The following NEDD4 variants were observed in gnomAD, a reference collection of about 807,000 sequenced individuals.
NEDD4 encodes NEDD4 E3 ubiquitin protein ligase.
A neutral mutation model predicts 144.9 loss-of-function variants in NEDD4; 99 were observed. The observed-to-expected ratio is 0.68, with a 90% CI of 0.58 to 0.81. The LOEUF (loss-of-function observed/expected upper bound fraction) is 0.81, where lower values mean the gene tolerates loss of function less well. NEDD4 is among the 30% of genes least tolerant of loss of function. NEDD4 has a pLI of 0.00. For synonymous variants in NEDD4, 318 were observed against 350.6 expected, an observed-to-expected ratio of 0.91 and a Z score of 1.04; for missense variants, 985 against 1,065.9, an observed-to-expected ratio of 0.92 and a Z score of 1.06.
At chr15:55,974,360 C>A (rs148464498) in intron 1 of NEDD4, among the ~76,000 whole-genome samples, 39 of 152,266 alleles carry the variant, frequency 2.6e-4, no homozygotes, top group African/African-American at 8.2e-4. Flanking sequence ...TAATACCAAT[C>A]CTACTCAAAC....
At chr15:55,947,841 TATC>T (rs1483017382) in intron 4 of NEDD4, among the ~76,000 whole-genome samples, 8 of 152,168 alleles carry the variant, frequency 5.3e-5, no homozygotes, top group African/African-American at 1.9e-4. Flanking sequence ...ACATAGCCAA[TATC>T]ATACTGAATG....
chr15:55,956,021 C>T (rs969286264), intron 2 of NEDD4, among the ~76,000 whole-genome samples: 4 of 151,910 alleles, frequency 2.6e-5, no homozygotes, highest in African/African-American at 9.7e-5. Context: ...GGTCTTATCA[C>T]CAGGCTGGTC....
At chr15:55,894,199 G>C (rs937518616) in intron 5 of NEDD4, among the ~76,000 whole-genome samples, 10 of 152,022 alleles carry the variant, frequency 6.6e-5, no homozygotes, top group Admixed American at 2.0e-4. Flanking sequence ...CTCTCTATCG[G>C]TGGATTCAAT....
chr15:55,854,963 C>T (rs2034133741), intron 12 of NEDD4, among the ~76,000 whole-genome samples: 1 of 152,094 alleles, frequency 6.6e-6, no homozygotes, highest in South Asian at 2.1e-4. Context: ...TTATAACGTG[C>T]AGAGGGAAAA....
chr15:55,888,465 C>T (rs1207312359), intron 5 of NEDD4, among the ~76,000 whole-genome samples: 1 of 151,930 alleles, frequency 6.6e-6, no homozygotes, highest in African/African-American at 2.4e-5. Flanking sequence ...AAAGAGGACA[C>T]AAAAAATGGA....
chr15:55,986,546 T>C (rs900773574), intron 1 of NEDD4, among the ~76,000 whole-genome samples: 45 of 145,246 alleles, frequency 3.1e-4, no homozygotes, highest in African/African-American at 1.1e-3. Context: ...AGACCCAAAA[T>C]GAGAAACATC....
chr15:55,907,120 A>T (rs1260238566), intron 5 of NEDD4, among the ~76,000 whole-genome samples: 1 of 151,906 alleles, frequency 6.6e-6, no homozygotes, highest in African/African-American at 2.4e-5. Context: ...AAAATAAAAA[A>T]TAAACAAAAT....
chr15:55,975,831 G>T (rs1186638248), intron 1 of NEDD4, among the ~76,000 whole-genome samples: 3 of 152,094 alleles, frequency 2.0e-5, no homozygotes, highest in African/African-American at 7.2e-5. Flanking sequence ...AAGTCATCCT[G>T]AGCAAAAAGA....
chr15:55,898,149 A>G (rs527494557), intron 5 of NEDD4, among the ~76,000 whole-genome samples: 3 of 152,326 alleles, frequency 2.0e-5, no homozygotes, highest in Admixed American at 6.5e-5. Flanking sequence ...TGTTTACACA[A>G]TGTTCCAAAA....
At chr15:55,841,691 C>A in intron 19 of NEDD4, among the ~76,000 whole-genome samples, 1 of 151,870 alleles carries the variant, frequency 6.6e-6, no homozygotes, top group East Asian at 1.9e-4. Context: ...CCTGCCTCAG[C>A]CTCCTGAGTA....
At chr15:55,979,296 A>C (rs997321085) in intron 1 of NEDD4, among the ~76,000 whole-genome samples, 3 of 151,434 alleles carry the variant, frequency 2.0e-5, no homozygotes, top group African/African-American at 7.2e-5. Context: ...AAATATGCAA[A>C]AATAAAGTTA....
chr15:55,902,430 G>T (rs537115096), intron 5 of NEDD4, among the ~76,000 whole-genome samples: 3 of 152,196 alleles, frequency 2.0e-5, no homozygotes, highest in African/African-American at 7.2e-5. Context: ...TATGTAAAAG[G>T]CTCCTAACCA....
intron 27 of NEDD4, 41 bp downstream of exon 27, chr15:55,832,967 G>T (rs753244222): frequency 7.6e-6 from 10 of 1,307,936 alleles, no homozygotes; most frequent in Non-Finnish European, 1.1e-5. Context: ...AAGACAATAC[G>T]CATTATTCCA....
At chr15:55,935,573 C>T (rs1052141453) in intron 4 of NEDD4, among the ~76,000 whole-genome samples, 2 of 152,070 alleles carry the variant, frequency 1.3e-5, no homozygotes, top group Non-Finnish European at 2.9e-5. Flanking sequence ...AAAGGCTGGG[C>T]GTGGTGGCTC....
Position 55,916,785 on chromosome 15 carries a change from G to T in NEDD4, c.291+7861C>A, listed in dbSNP as rs199985462. On this transcript the variant is annotated intron_variant, in intron 5 of 28. Transcript: ENST00000435532. ...TCCGGAGGTTTCTGACAAAGGGTAA[G>T]TATTGCTTCTTCTGGCTGCAAAGTG... The T allele has an allele frequency of 1.1e-4, 173 of 1,611,576 alleles. No homozygotes were observed. The Middle Eastern group carries it at 1.2e-3, about 11-fold the overall frequency.
intron 4 of NEDD4, among the ~76,000 whole-genome samples, chr15:55,932,080 G>A (rs1202352781): frequency 6.6e-6 from 1 of 152,110 alleles, no homozygotes; most frequent in African/African-American, 2.4e-5. Flanking sequence ...ATTGTAGTTC[G>A]CATAATCCCT....
rs200788423 is a variant in NEDD4 at position 55,967,440 on chromosome 15, C to CTGTGTGTGTG, written c.46-904_46-895dup. ...AAATAAAAAACTGAACATAACTATG[C>CTGTGTGTGTG]TGTGTGTGTGTGTGTGTGTGTGTGT... On this transcript the variant is annotated intron_variant, in intron 1 of 28. Transcript: ENST00000435532. 7.3e-3 allele frequency among the ~76,000 whole-genome samples: 1,038 copies of CTGTGTGTGTG among 142,328 alleles called. 6 individuals are homozygous for CTGTGTGTGTG. The highest frequency in any genetic ancestry group is 0.015 in the African/African-American group (557 of 38,216). The allele number at this position is 142,328 out of a possible 152,430, so 93.4% of individuals were successfully genotyped here. A position where few individuals can be genotyped will look rare whatever the true frequency, so the allele number is the denominator to read the frequency against.
At chr15:55,980,687 T>C (rs2037783320) in intron 1 of NEDD4, among the ~76,000 whole-genome samples, 1 of 152,090 alleles carries the variant, frequency 6.6e-6, no homozygotes, top group South Asian at 2.1e-4. Context: ...ACACAACAGG[T>C]GTACAGAACA....
intron 8 of NEDD4, among the ~76,000 whole-genome samples, chr15:55,863,672 T>C (rs1566918625): frequency 6.6e-6 from 1 of 152,216 alleles, no homozygotes. Context: ...TTGAGAAGTA[T>C]AGTTTAAACT....
Sources: gnomAD v4.1 joint callset for allele counts (sites outside exome capture counted in the v4.1 genomes callset) on GRCh38, gnomAD v4.1.1 for gene constraint, MANE v1.5 for transcripts, NCBI Gene and HGNC (gene_info 2026-07-23, HGNC 2026-07-21) for gene names.